Variants in RBX1 observed in about 807,000 individuals in gnomAD.
RBX1 encodes the protein E3 ubiquitin-protein ligase RBX1.
For missense variants in RBX1, 46 were observed against 141.4 expected (o/e 0.33, Z 3.42); for synonymous variants, 48 against 47.9 (o/e 1.00, Z -0.01).
rs758113179 is a variant in RBX1, at chr22:40,953,535, C to A, written c.79-20C>A. On this transcript the variant is annotated intron_variant, in intron 1 of 4. Coordinates refer to ENST00000216225, the MANE Select transcript of RBX1 (RefSeq NM_014248.4). ...TGTGTTACAAGCAGAATGCACTGTT[C>A]CCTCTTTTTGTCTTTGCAGTGGAAT... 4.9e-5 allele frequency: 75 copies of A among 1,544,878 alleles called. No homozygotes were observed. Among genetic ancestry groups the A allele is most frequent in the Middle Eastern group, 1.7e-4 (1 of 5,898 alleles).
At chr22:40,966,900 G>T (rs2058355846) in intron 3 of RBX1, 1 of 152,146 alleles carries the variant, frequency 6.6e-6, no homozygotes, top group African/African-American at 2.4e-5. Flanking sequence ...AGGGGGAGAA[G>T]TGCTCATTGC....
At chr22:40,968,921 A>G (rs1446839379) in intron 4 of RBX1, among the ~76,000 whole-genome samples, 1 of 150,788 alleles carries the variant, frequency 6.6e-6, no homozygotes, top group African/African-American at 2.4e-5. Context: ...CCTCATTTCT[A>G]ATGGTTGCAG....
chr22:40,954,250 C>T (rs1339260561), intron 2 of RBX1, among the ~76,000 whole-genome samples: 1 of 146,930 alleles, frequency 6.8e-6, no homozygotes, highest in Non-Finnish European at 1.5e-5. Context: ...ACCTGGGCGA[C>T]ACAGCAAGAC....
chr22:40,967,681 T>G, intron 3 of RBX1, 118 bp from the exon 4 acceptor site: 1 of 680,552 alleles, frequency 1.5e-6, no homozygotes, highest in Non-Finnish European at 2.5e-6. Flanking sequence ...TCTCGTTGTC[T>G]TCTTTTCTTT....
chr22:40,951,686 G>A lies in RBX1; in HGVS notation c.78+210G>A, dbSNP rs534014902. ...GGGGAAGTGTTGGTTTCGCTGTGAG[G>A]CTAAGGGGCCAATCACAGAGCTGCT... On this transcript the variant is annotated intron_variant, in intron 1 of 4. Transcript: ENST00000216225. 1.4e-4 allele frequency among the ~76,000 whole-genome samples: 22 copies of A among 152,200 alleles called. No homozygotes were observed. The East Asian group carries it at 3.1e-3, about 21-fold the overall frequency.
At position 40,951,378 on chromosome 22, in the gene RBX1, G is replaced by C. The variant is rs745465957; in HGVS notation, c.-21G>C. On this transcript the variant is annotated 5_prime_UTR_variant, in exon 1 of 5. Coordinates refer to ENST00000216225, the MANE Select transcript of RBX1 (RefSeq NM_014248.4). The stretch of plus-strand genomic sequence containing the variant: ...TGCTGCGCAGGCGCGGTGGTCGGAC[G>C]ACAGACCGTGTGTTTCCAAAATGGC... The C allele has an allele frequency of 6.2e-7, 1 of 1,610,788 alleles. No homozygotes were observed. The highest frequency in any genetic ancestry group is 8.5e-7 in the Non-Finnish European group (1 of 1,178,008).
intron 2 of RBX1, among the ~76,000 whole-genome samples, chr22:40,958,617 G>A (rs1274030529): frequency 6.6e-6 from 1 of 152,080 alleles, no homozygotes; most frequent in African/African-American, 2.4e-5. Flanking sequence ...TTCCTTGGTT[G>A]TATTAAGGAG....
intron 4 of RBX1, among the ~76,000 whole-genome samples, chr22:40,970,948 C>T (rs2058367463): frequency 6.6e-6 from 1 of 152,086 alleles, no homozygotes; most frequent in Non-Finnish European, 1.5e-5. Context: ...ATGCTAAGTA[C>T]CGTGTAAAAT....
intron 2 of RBX1, among the ~76,000 whole-genome samples, chr22:40,956,590 A>T (rs896195024): frequency 2.0e-5 from 3 of 151,578 alleles, no homozygotes; most frequent in Non-Finnish European, 4.4e-5. Flanking sequence ...ACCTCAGGTG[A>T]TCCATTCGCC....
chr22:40,963,847 C>T (rs1184915886), intron 2 of RBX1, among the ~76,000 whole-genome samples, 200 bp from the exon 3 acceptor site: 1 of 152,172 alleles, frequency 6.6e-6, no homozygotes, highest in Admixed American at 6.6e-5. Context: ...ATGTGCATTT[C>T]CCATTTGTTA....
Position 40,959,563 on chromosome 22 carries a change from T to C in RBX1, c.158-4484T>C, listed in dbSNP as rs149578298. On this transcript the variant is annotated intron_variant, in intron 2 of 4. Transcript: ENST00000216225. ...CGGTGGCTCACGCCTATAATCCCAG[T>C]ACTTTGGGAGGCCAGGACGCGTGGA... 3.6e-3 allele frequency among the ~76,000 whole-genome samples: 543 copies of C among 152,182 alleles called. 5 individuals are homozygous for C. The highest frequency in any genetic ancestry group is 0.012 in the African/African-American group (514 of 41,532).
chr22:40,957,817 C>T (rs2146298409), intron 2 of RBX1, among the ~76,000 whole-genome samples: 1 of 152,052 alleles, frequency 6.6e-6, no homozygotes, highest in African/African-American at 2.4e-5. Flanking sequence ...ACGTGCACTA[C>T]CACACCTAGC....
intron 4 of RBX1, 128 bp from the exon 5 acceptor site, chr22:40,972,348 A>G: frequency 1.5e-6 from 1 of 666,682 alleles, no homozygotes. Context: ...CAGTGTCGTC[A>G]CCTAATCCTG....
chr22:40,962,131 G>A (rs2058342415), intron 2 of RBX1, among the ~76,000 whole-genome samples: 1 of 151,328 alleles, frequency 6.6e-6, no homozygotes, highest in African/African-American at 2.4e-5. Context: ...ACAGAGTCTT[G>A]CTCTTTTGCC....
At chr22:40,951,838 C>G (rs1216940126) in intron 1 of RBX1, among the ~76,000 whole-genome samples, 1 of 151,864 alleles carries the variant, frequency 6.6e-6, no homozygotes, top group African/African-American at 2.4e-5. Context: ...GGAGTCGAAG[C>G]GAATGCGGCG....
intron 2 of RBX1, among the ~76,000 whole-genome samples, chr22:40,961,436 CAG>C (rs1453307128): frequency 2.0e-5 from 3 of 151,636 alleles, no homozygotes; most frequent in Non-Finnish European, 4.4e-5. Context: ...TTTTTTGAGA[CAG>C]AGTCTCGCTC....
chr22:40,968,776 C>T (rs773588930), intron 4 of RBX1, among the ~76,000 whole-genome samples: 4 of 151,534 alleles, frequency 2.6e-5, no homozygotes, highest in Non-Finnish European at 4.4e-5. Context: ...TTATATGTCC[C>T]GGTATTTACA....
chr22:40,952,407 C>G (rs897151272), intron 1 of RBX1, among the ~76,000 whole-genome samples: 2 of 152,164 alleles, frequency 1.3e-5, no homozygotes, highest in Non-Finnish European at 2.9e-5. Context: ...GACAATATCC[C>G]CCGTCCTAGT....
chr22:40,966,103 T>G (rs529632212), intron 3 of RBX1: 1 of 152,290 alleles, frequency 6.6e-6, no homozygotes, highest in South Asian at 2.1e-4. Context: ...GGGTTTCAGT[T>G]TCCTGTCTGT....
Sources: allele counts gnomAD v4.1 joint callset (sites outside exome capture counted in the v4.1 genomes callset), GRCh38; gene constraint gnomAD v4.1.1; transcripts MANE v1.5; gene names NCBI Gene and HGNC (gene_info 2026-07-23, HGNC 2026-07-21).